PTPRM: variants seen among roughly 807,000 people sequenced by gnomAD.
The protein encoded by PTPRM is receptor-type tyrosine-protein phosphatase mu.
A neutral mutation model predicts 186.7 loss-of-function variants in PTPRM; 47 were observed. The ratio of observed to expected loss-of-function variants is 0.25; its 90% CI spans 0.20 to 0.32. The LOEUF (loss-of-function observed/expected upper bound fraction) is 0.32. Among genes scored for constraint, PTPRM ranks in the 10% least tolerant of loss-of-function variants. The probability of loss-of-function intolerance (pLI) is 1.00; values close to 1 mark genes in which losing one functional copy is unlikely to be tolerated. For synonymous variants in PTPRM, 668 were observed against 674.9 expected (o/e 0.99, Z 0.16); for missense variants, 1,494 against 1,865.0 (o/e 0.80, Z 3.66).
At chr18:7,618,892 A>C (rs2037871218) in intron 1 of PTPRM, among the ~76,000 whole-genome samples, 1 of 152,220 alleles carries the variant, frequency 6.6e-6, no homozygotes, top group Non-Finnish European at 1.5e-5. Flanking sequence ...GCAAATAATG[A>C]AGGCATATGT....
intron 32 of PTPRM, chr18:8,403,896 T>C (rs2095886648): frequency 6.6e-6 from 1 of 152,276 alleles, no homozygotes; most frequent in African/African-American, 2.4e-5. Context: ...CATGGATTAG[T>C]ACTTCATTCC....
chr18:8,366,860 A>C (rs1330991947), intron 23 of PTPRM: 1 of 152,246 alleles, frequency 6.6e-6, no homozygotes, highest in Non-Finnish European at 1.5e-5. Context: ...GCCTTACGTG[A>C]TTAGGATGCG....
chr18:7,917,690 A>G (rs1441643815), intron 4 of PTPRM, among the ~76,000 whole-genome samples: 1 of 152,142 alleles, frequency 6.6e-6, no homozygotes, highest in African/African-American at 2.4e-5. Context: ...AAAAATTTGA[A>G]TTGTTACTAT....
At chr18:8,142,696 A>T (rs1348560191) in intron 13 of PTPRM, among the ~76,000 whole-genome samples, 1 of 152,234 alleles carries the variant, frequency 6.6e-6, no homozygotes, top group Non-Finnish European at 1.5e-5. Flanking sequence ...ATTTGGACAT[A>T]AAATTCCTCC....
rs187801254 is a variant in PTPRM at position 7,652,670 on chromosome 18, G to A, written c.73+84779G>A. On this transcript the variant is annotated intron_variant, in intron 1 of 32. Transcript: ENST00000580170. ...TCGCAAGAACAAAAAACCAAACACC[G>A]CATATTCTCACTCATAGGTGGGAAT... is the stretch of plus-strand genomic sequence containing the variant. 4.7e-3 allele frequency among the ~76,000 whole-genome samples: 692 copies of A among 146,980 alleles called. 3 individuals carry two copies. The highest frequency in any genetic ancestry group is 0.017 in the African/African-American group (667 of 39,812).
Position 8,187,866 on chromosome 18 carries a change from C to T in PTPRM, c.2300+44087C>T, listed in dbSNP as rs572357577. Among the ~76,000 whole-genome samples, 19 of 152,332 alleles carry T rather than the reference C, an allele frequency of 1.2e-4. No individual in the cohort carries two copies. The East Asian group carries it at 3.3e-3, about 26-fold the overall frequency. The stretch of plus-strand genomic sequence containing the variant: ...GCTTTAACCTTGAAGAGCAGTTCCA[C>T]TGGGCACATCAAATAATACATCTTG... On this transcript the variant is annotated intron_variant, in intron 14 of 32. Transcript: ENST00000580170.
chr18:8,364,324 A>C (rs1452360178), intron 23 of PTPRM, among the ~76,000 whole-genome samples: 1 of 152,162 alleles, frequency 6.6e-6, no homozygotes, highest in African/African-American at 2.4e-5. Flanking sequence ...AAGTCATGGA[A>C]GTCACCTGCC....
At position 8,023,831 on chromosome 18, in the gene PTPRM, G is replaced by GACACACACAC. The variant is rs71354587; in HGVS notation, c.1133-45824_1133-45815dup. Among the ~76,000 whole-genome samples, 219 of 110,276 alleles carry GACACACACAC rather than the reference G, an allele frequency of 2.0e-3. 4 individuals are homozygous for GACACACACAC. Among genetic ancestry groups the GACACACACAC allele is most frequent in the African/African-American group, 6.2e-3 (200 of 32,470 alleles). The allele number at this position is 110,276 out of a possible 152,430, so 72.3% of individuals were successfully genotyped here. Reference sequence around the variant, plus strand: ...CAATTTAAATGGTAAATTATCAGAAGACACACACACACACACACACACACA... The same window carrying GACACACACAC: ...CAATTTAAATGGTAAATTATCAGAAGACACACACACACACACACACACACACACACACACA... On this transcript the variant is annotated intron_variant, in intron 7 of 32. Transcript: ENST00000580170.
At chr18:8,063,614 A>G (rs1369774840) in intron 7 of PTPRM, among the ~76,000 whole-genome samples, 1 of 151,662 alleles carries the variant, frequency 6.6e-6, no homozygotes, top group Non-Finnish European at 1.5e-5. Context: ...TCTTTTTCCA[A>G]CCTCTCTATT....
chr18:8,164,445 C>T (rs771702529), intron 14 of PTPRM, among the ~76,000 whole-genome samples: 54 of 152,190 alleles, frequency 3.5e-4, no homozygotes, highest in Non-Finnish European at 6.0e-4. Context: ...TAGAAGCAAC[C>T]AAGTGTCCTT....
chr18:7,835,353 A>T lies in PTPRM; in HGVS notation c.197-52753A>T, dbSNP rs137988936. On this transcript the variant is annotated intron_variant, in intron 2 of 32. Transcript: ENST00000580170. ...CTTCATTGACCCACTGGTCATTCAG[A>T]AACATTTTGTTTAATTTCCATGTAT... Among the ~76,000 whole-genome samples the T allele has an allele frequency of 4.1e-4, 62 of 152,092 alleles. 1 individual carries two copies. Among genetic ancestry groups the T allele is most frequent in the African/African-American group, 1.5e-3 (61 of 41,552 alleles).
intron 14 of PTPRM, among the ~76,000 whole-genome samples, chr18:8,162,981 C>T (rs933726231): frequency 1.3e-5 from 2 of 152,170 alleles, no homozygotes; most frequent in Non-Finnish European, 2.9e-5. Flanking sequence ...CAGAGCCAGC[C>T]GTCAGCCACA....
chr18:8,239,048 GGTTA>G (rs2094385220), intron 14 of PTPRM, among the ~76,000 whole-genome samples: 2 of 149,682 alleles, frequency 1.3e-5, no homozygotes, highest in South Asian at 4.3e-4. Flanking sequence ...ACAATGTGCA[GGTTA>G]GTTACATATG....
intron 1 of PTPRM, among the ~76,000 whole-genome samples, chr18:7,701,597 C>CA (rs1207407813): frequency 2.0e-5 from 3 of 151,522 alleles, no homozygotes; most frequent in African/African-American, 7.3e-5. Context: ...AGACTCGTCT[C>CA]AAAAAATATA....
In PTPRM at chr18:7,579,030, TGTG is replaced by T. The variant is rs560897079; in HGVS notation, c.73+11143_73+11145del. Among the ~76,000 whole-genome samples the T allele has an allele frequency of 2.7e-3, 410 of 152,312 alleles. 6 individuals carry two copies. Among genetic ancestry groups the T allele is most frequent in the African/African-American group, 9.5e-3 (395 of 41,562 alleles). On this transcript the variant is annotated intron_variant, in intron 1 of 32. Coordinates refer to ENST00000580170, the MANE Select transcript of PTPRM (RefSeq NM_001105244.2). ...TTTCTGGGTCCAAGGCTTTGATAGTTGTGGTGCTGGGAGGTTGTATAAGTGACA... is the reference window on the plus strand; with the variant it reads ...TTTCTGGGTCCAAGGCTTTGATAGTTGTGCTGGGAGGTTGTATAAGTGACA...
chr18:8,249,749 A>G (rs1454076382), intron 17 of PTPRM, among the ~76,000 whole-genome samples: 1 of 152,208 alleles, frequency 6.6e-6, no homozygotes, highest in Non-Finnish European at 1.5e-5. Flanking sequence ...GTTATTATGA[A>G]CATTAATGAC....
At chr18:8,402,144 T>C (rs930822005) in intron 32 of PTPRM, among the ~76,000 whole-genome samples, 5 of 152,230 alleles carry the variant, frequency 3.3e-5, no homozygotes, top group African/African-American at 1.2e-4. Flanking sequence ...GATAGACCTA[T>C]ACCTGGTAAT....
intron 1 of PTPRM, among the ~76,000 whole-genome samples, chr18:7,694,661 A>G (rs1364757068): frequency 6.6e-6 from 1 of 151,134 alleles, no homozygotes; most frequent in Non-Finnish European, 1.5e-5. Flanking sequence ...CCCTGACCTT[A>G]GGCGATCCAC....
intron 1 of PTPRM, among the ~76,000 whole-genome samples, chr18:7,628,603 C>T (rs1429630967): frequency 2.0e-5 from 3 of 152,130 alleles, no homozygotes; most frequent in Non-Finnish European, 4.4e-5. Flanking sequence ...GAAAACTAAG[C>T]TTGAATTCAT....
Sources: gnomAD v4.1 joint callset for allele counts (sites outside exome capture counted in the v4.1 genomes callset) on GRCh38, gnomAD v4.1.1 for gene constraint, MANE v1.5 for transcripts, NCBI Gene and HGNC (gene_info 2026-07-23, HGNC 2026-07-21) for gene names.